Variants in CFAP206 observed in about 807,000 individuals in gnomAD.
CFAP206 encodes the protein cilia and flagella associated protein 206, also known as cilia- and flagella-associated protein 206.
In CFAP206, 53 loss-of-function variants were observed where a neutral mutation model predicts 65.4. The observed-to-expected ratio is 0.81, with a 90% CI of 0.65 to 1.02. The LOEUF is 1.02. CFAP206 is among the 50% of genes least tolerant of loss of function. The pLI is 0.00. For missense variants in CFAP206, 663 were observed against 753.2 expected, an observed-to-expected ratio of 0.88 and a Z score of 1.40; for synonymous variants, 250 against 254.4, an observed-to-expected ratio of 0.98 and a Z score of 0.17.
At chr6:87,430,981 A>C in intron 9 of CFAP206, 52 bp from the exon 10 acceptor site, 2 of 1,565,114 alleles carry the variant, frequency 1.3e-6, no homozygotes, top group Non-Finnish European at 1.7e-6. Flanking sequence ...TTTATTTTGG[A>C]AATTTAACCT....
chr6:87,464,108 A>G lies in CFAP206; in HGVS notation c.1727A>G (p.Lys576Arg), dbSNP rs1465306026. 5 of 1,614,168 alleles carry G rather than the reference A, an allele frequency of 3.1e-6. No homozygotes were observed. The highest frequency in any genetic ancestry group is 1.7e-6 in the Non-Finnish European group (2 of 1,179,998). ...RENCSQVYPP[K>R]DTSTQSMRED... ...AATTGTTCCCAAGTGTACCCTCCAA[A>G]GGACACTAGCACCCAGTCCATGAGG... The change falls in exon 13 of 13, where the codon AAG becomes AGG. Residue 576 changes from lysine (K) to arginine (R), a missense_variant. Transcript: ENST00000369562.
chr6:87,428,587 A>G, intron 8 of CFAP206, 39 bp from the exon 9 acceptor site: 2 of 1,525,470 alleles, frequency 1.3e-6, no homozygotes, highest in Non-Finnish European at 1.8e-6. Context: ...TAATTTTATT[A>G]CACAGTTGCA....
At chr6:87,444,655 T>G in intron 11 of CFAP206, 2 of 294,854 alleles carry the variant, frequency 6.8e-6, no homozygotes, top group Non-Finnish European at 1.3e-5. Flanking sequence ...GAGAGCCTAC[T>G]GAGTTCCTGA....
chr6:87,456,863 G>T (rs1179196831), intron 11 of CFAP206, among the ~76,000 whole-genome samples: 3 of 152,026 alleles, frequency 2.0e-5, no homozygotes, highest in Non-Finnish European at 4.4e-5. Context: ...AGAAACTGAG[G>T]TTGGCTGAAA....
chr6:87,445,578 TACC>T (rs1768428523), intron 11 of CFAP206, among the ~76,000 whole-genome samples: 1 of 152,214 alleles, frequency 6.6e-6, no homozygotes, highest in Non-Finnish European at 1.5e-5. Context: ...GGTGTATATG[TACC>T]ACATTTTCTT....
intron 11 of CFAP206, chr6:87,442,043 T>C: frequency 4.5e-6 from 1 of 223,054 alleles, no homozygotes; most frequent in South Asian, 7.7e-5. Context: ...CCCTCAGATC[T>C]TGGAGTGGTG....
At chr6:87,430,272 G>A (rs1051211077) in intron 9 of CFAP206, among the ~76,000 whole-genome samples, 11 of 152,102 alleles carry the variant, frequency 7.2e-5, no homozygotes, top group Admixed American at 4.6e-4. Context: ...CCTGCTTTTT[G>A]GGTTTAGAAC....
chr6:87,455,408 A>G (rs1281192399), intron 11 of CFAP206, among the ~76,000 whole-genome samples: 4 of 152,212 alleles, frequency 2.6e-5, no homozygotes, highest in South Asian at 2.1e-4. Context: ...GTAGAAAGAC[A>G]TCAAATAAAG....
At chr6:87,460,907 A>G (rs745322492) in intron 11 of CFAP206, 115 bp from the exon 12 acceptor site, 14 of 793,988 alleles carry the variant, frequency 1.8e-5, no homozygotes, top group East Asian at 6.6e-5. Context: ...AGTATATTCC[A>G]TGTCCAAAAA....
rs368620862 is a variant in CFAP206 at position 87,461,114 on chromosome 6, G to A, written c.1587G>A (p.Val529=). ...TNTHILPPTI[V]RSYEWNEWEL... ...CACACATACTGCCACCAACGATTGT[G>A]AGATCATATGAGTGGAATGAATGGG... The change falls in exon 12 of 13, where the codon GTG becomes GTA. Residue 529 remains valine, a synonymous_variant. Coordinates refer to ENST00000369562, the MANE Select transcript of CFAP206 (RefSeq NM_001031743.3). The A allele has an allele frequency of 1.3e-6, 2 of 1,587,400 alleles. No homozygotes were observed. Among genetic ancestry groups the A allele is most frequent in the African/African-American group, 2.7e-5 (2 of 73,120 alleles).
intron 11 of CFAP206, among the ~76,000 whole-genome samples, chr6:87,442,859 T>C (rs531869446): frequency 6.6e-6 from 1 of 152,290 alleles, no homozygotes; most frequent in Admixed American, 6.5e-5. Context: ...ATTTAAAAAA[T>C]ACATTCTTGA....
At chr6:87,422,145 T>C (rs1201401918) in intron 7 of CFAP206, among the ~76,000 whole-genome samples, 1 of 152,156 alleles carries the variant, frequency 6.6e-6, no homozygotes, top group East Asian at 1.9e-4. Flanking sequence ...AGGACTAATA[T>C]TATAATTAAA....
intron 8 of CFAP206, among the ~76,000 whole-genome samples, chr6:87,427,257 C>T (rs866668886): frequency 7.9e-5 from 12 of 152,272 alleles, no homozygotes; most frequent in South Asian, 2.1e-4. Flanking sequence ...CCTAGCTCAG[C>T]CTCCCGAGTA....
chr6:87,462,697 G>GACT (rs1768767362), intron 12 of CFAP206, among the ~76,000 whole-genome samples: 1 of 152,120 alleles, frequency 6.6e-6, no homozygotes, highest in South Asian at 2.1e-4. Context: ...TGACAGCATA[G>GACT]GTATGGACTG....
intron 6 of CFAP206, among the ~76,000 whole-genome samples, chr6:87,417,755 CTT>C (rs11394814): frequency 9.0e-5 from 11 of 121,730 alleles, no homozygotes; most frequent in Admixed American, 1.7e-4. Flanking sequence ...GTTTTAGATT[CTT>C]TTTTTTTTTT....
Position 87,416,240 on chromosome 6 carries a change from T to C in CFAP206, c.472+366T>C, listed in dbSNP as rs189769189. On this transcript the variant is annotated intron_variant, in intron 5 of 12. Coordinates refer to ENST00000369562, the MANE Select transcript of CFAP206 (RefSeq NM_001031743.3). The stretch of plus-strand genomic sequence containing the variant: ...TTGATGAAAGAAATTGAGTCTGTCA[T>C]TTAAAATGGGTGATGGAATGGGGCA... Among the ~76,000 whole-genome samples the C allele has an allele frequency of 3.2e-3, 492 of 152,306 alleles. 2 individuals carry two copies. Among genetic ancestry groups the C allele is most frequent in the Non-Finnish European group, 5.4e-3 (366 of 68,026 alleles).
rs890466911 is a variant in CFAP206 at position 87,418,080 on chromosome 6, A to G, written c.632-128A>G. ...GTGGGACCCAGGAAACACATGCCTC[A>G]TTATTACTAATTTGATTGGGGAGAA... On this transcript the variant is annotated intron_variant, in intron 6 of 12. Transcript: ENST00000369562. 7 of 811,646 alleles carry G rather than the reference A, an allele frequency of 8.6e-6. No homozygotes were observed. In the African/African-American group the frequency reaches 1.2e-4, roughly 14 times the overall value. 50.3% of individuals were successfully genotyped at this position (811,646 alleles called of 1,614,324 possible). A position where few individuals can be genotyped will look rare whatever the true frequency, so the allele number is the denominator to read the frequency against.
chr6:87,410,212 T>C (rs1767709634), intron 2 of CFAP206, among the ~76,000 whole-genome samples: 1 of 152,260 alleles, frequency 6.6e-6, no homozygotes, highest in Non-Finnish European at 1.5e-5. Flanking sequence ...GACGTGTATT[T>C]TTGTTTGCCG....
intron 11 of CFAP206, chr6:87,445,250 G>T: frequency 3.9e-6 from 1 of 255,544 alleles, no homozygotes; most frequent in Non-Finnish European, 7.6e-6. Flanking sequence ...AGGACATGCA[G>T]GTTTATTACA....
Sources: gnomAD v4.1 joint callset for allele counts (sites outside exome capture counted in the v4.1 genomes callset) on GRCh38, gnomAD v4.1.1 for gene constraint, MANE v1.5 for transcripts, NCBI Gene and HGNC (gene_info 2026-07-23, HGNC 2026-07-21) for gene names.